Variants in GRAP2 observed in about 807,000 individuals in gnomAD.
GRAP2 encodes GRB2 related adaptor protein 2.
A neutral mutation model predicts 43.5 loss-of-function variants in GRAP2; 31 were observed. That is an observed-to-expected ratio of 0.71 (90% CI 0.54 to 0.96). GRAP2 has a LOEUF of 0.96. GRAP2 is among the 40% of genes least tolerant of loss of function. GRAP2 has a pLI of 0.00. For synonymous variants in GRAP2, 156 were observed against 164.8 expected, an observed-to-expected ratio of 0.95 and a Z score of 0.41; for missense variants, 371 against 424.4, an observed-to-expected ratio of 0.87 and a Z score of 1.11.
intron 1 of GRAP2, chr22:39,926,828 G>T: frequency 1.0e-6 from 1 of 983,752 alleles, no homozygotes; most frequent in South Asian, 4.7e-5. Flanking sequence ...CCAATTAGGG[G>T]AGTATTGTCT....
chr22:39,932,200 A>G (rs1304179895), intron 1 of GRAP2, among the ~76,000 whole-genome samples: 1 of 152,224 alleles, frequency 6.6e-6, no homozygotes, highest in Non-Finnish European at 1.5e-5. Context: ...ACAATGCTTC[A>G]GTCCACCACT....
chr22:39,947,963 A>G (rs995667553), intron 2 of GRAP2: 4 of 152,170 alleles, frequency 2.6e-5, no homozygotes, highest in Non-Finnish European at 5.9e-5. Context: ...GCACCCTCAG[A>G]TAGCCTGATC....
chr22:39,927,611 C>A (rs1227117501), intron 1 of GRAP2, among the ~76,000 whole-genome samples: 1 of 152,196 alleles, frequency 6.6e-6, no homozygotes, highest in East Asian at 1.9e-4. Flanking sequence ...CAAAACTGAT[C>A]TCATGGCTGG....
chr22:39,907,667 A>C (rs1184457921), intron 1 of GRAP2, among the ~76,000 whole-genome samples: 1 of 152,082 alleles, frequency 6.6e-6, no homozygotes, highest in Non-Finnish European at 1.5e-5. Flanking sequence ...CCTTGAGCCC[A>C]AGAGATCAAG....
chr22:39,946,906 A>T (rs1251610912), intron 1 of GRAP2, 187 bp from the exon 2 acceptor site: 1 of 560,940 alleles, frequency 1.8e-6, no homozygotes, highest in Non-Finnish European at 3.2e-6. Context: ...CAGGACCTAG[A>T]TCCTATAGAT....
At chr22:39,951,914 G>T (rs145612576) in intron 2 of GRAP2, among the ~76,000 whole-genome samples, 34 of 152,228 alleles carry the variant, frequency 2.2e-4, no homozygotes, top group African/African-American at 7.5e-4. Context: ...GAGAGAAATG[G>T]CTGGCATTGT....
chr22:39,930,112 A>C (rs1479441964), intron 1 of GRAP2, among the ~76,000 whole-genome samples: 1 of 152,254 alleles, frequency 6.6e-6, no homozygotes, highest in African/African-American at 2.4e-5. Context: ...TATTGGGTTA[A>C]ATAAGTTATT....
intron 1 of GRAP2, among the ~76,000 whole-genome samples, chr22:39,934,574 A>AAAAACCTTT (rs2066787699): frequency 6.6e-6 from 1 of 152,254 alleles, no homozygotes; most frequent in Admixed American, 6.5e-5. Context: ...GAACAAAAAC[A>AAAAACCTTT]CAGTGAAAGT....
chr22:39,920,991 A>ACACACAC, intron 1 of GRAP2, among the ~76,000 whole-genome samples: 1 of 133,086 alleles, frequency 7.5e-6, no homozygotes, highest in Non-Finnish European at 1.7e-5. Flanking sequence ...CACACACACA[A>ACACACAC]TCTGATGTAA....
rs371690083 is a variant in GRAP2 at position 39,968,321 on chromosome 22, G to A, written c.690+49G>A. 9.5e-6 allele frequency: 15 copies of A among 1,586,186 alleles called. No individual in the cohort carries two copies. The African/African-American group carries it at 1.6e-4, about 17-fold the overall frequency. On this transcript the variant is annotated intron_variant, in intron 6 of 7. Coordinates refer to ENST00000344138, the MANE Select transcript of GRAP2 (RefSeq NM_004810.4). ...CACAGTACGGTGGAAAGGAGAACCTGCCTCCCCTCCAGGCCTGGCCCAGCC... is the reference window on the plus strand; with the variant it reads ...CACAGTACGGTGGAAAGGAGAACCTACCTCCCCTCCAGGCCTGGCCCAGCC...
In GRAP2 at chr22:39,961,828, G is replaced by T. The variant is rs542140661; in HGVS notation, c.290+1654G>T. Among the ~76,000 whole-genome samples, 3 of 152,318 alleles carry T rather than the reference G, an allele frequency of 2.0e-5. No individual in the cohort carries two copies. In the South Asian group the frequency reaches 6.2e-4, roughly 32 times the overall value. ...TGAAAGGCATAAAGCTTTGTTTTAA[G>T]GACAGAAATCCAATCTCAAGTAATA... On this transcript the variant is annotated intron_variant, in intron 4 of 7. Transcript: ENST00000344138.
chr22:39,924,742 A>G (rs1480732989), intron 1 of GRAP2, among the ~76,000 whole-genome samples: 2 of 152,166 alleles, frequency 1.3e-5, no homozygotes, highest in African/African-American at 4.8e-5. Flanking sequence ...CCCATTCATC[A>G]GCAAATATTT....
intron 2 of GRAP2, among the ~76,000 whole-genome samples, chr22:39,953,058 A>C (rs905381432): frequency 3.9e-5 from 6 of 152,126 alleles, no homozygotes; most frequent in Non-Finnish European, 8.8e-5. Context: ...GAAATAGGTC[A>C]TCATCTCCAC....
Position 39,920,214 on chromosome 22 carries a change from G to A in GRAP2, c.-15+18884G>A, listed in dbSNP as rs550724620. Among the ~76,000 whole-genome samples the A allele has an allele frequency of 3.7e-4, 56 of 152,244 alleles. No individual in the cohort carries two copies. The South Asian group carries it at 9.1e-3, about 25-fold the overall frequency. ...AGGGTCCATCTGCCTCCGCTCCTTT[G>A]GTACACGCTAGGGGACACACACTGT... is the stretch of plus-strand genomic sequence containing the variant. On this transcript the variant is annotated intron_variant, in intron 1 of 7. Coordinates refer to ENST00000344138, the MANE Select transcript of GRAP2 (RefSeq NM_004810.4).
intron 6 of GRAP2, among the ~76,000 whole-genome samples, chr22:39,968,871 C>A (rs2067207013): frequency 1.3e-5 from 2 of 152,222 alleles, no homozygotes; most frequent in South Asian, 4.1e-4. Context: ...ACCCCCCACG[C>A]TGCCTTAGTT....
intron 2 of GRAP2, among the ~76,000 whole-genome samples, chr22:39,952,019 GT>G (rs397946166): frequency 0.019 from 2,616 of 138,230 alleles, 33 homozygotes; most frequent in African/African-American, 0.048. Context: ...AAAGTGTGTG[GT>G]TTTTTTTTTT....
intron 1 of GRAP2, among the ~76,000 whole-genome samples, chr22:39,922,805 C>T (rs973355725): frequency 8.5e-5 from 13 of 152,066 alleles, no homozygotes; most frequent in African/African-American, 2.9e-4. Flanking sequence ...CACTTTGGGA[C>T]GCCGAGGCAG....
chr22:39,944,951 G>A lies in GRAP2; in HGVS notation c.-14-2142G>A, dbSNP rs182586187. Among the ~76,000 whole-genome samples, 23 of 152,252 alleles carry A rather than the reference G, an allele frequency of 1.5e-4. No homozygotes were observed. In the East Asian group the frequency reaches 1.9e-3, roughly 13 times the overall value. Reference sequence around the variant, plus strand: ...CCATTCACCTGACACTTGATCCCACGAGGCGACCACTGTCTACTGTTGATA... The same window carrying A: ...CCATTCACCTGACACTTGATCCCACAAGGCGACCACTGTCTACTGTTGATA... On this transcript the variant is annotated intron_variant, in intron 1 of 7. Transcript: ENST00000344138.
chr22:39,961,282 CAG>C (rs569748815), intron 4 of GRAP2, among the ~76,000 whole-genome samples: 86 of 152,150 alleles, frequency 5.7e-4, no homozygotes, highest in Non-Finnish European at 9.0e-4. Context: ...ATGACTCACT[CAG>C]GGGGAGAAAG....
Sources: allele counts gnomAD v4.1 joint callset (sites outside exome capture counted in the v4.1 genomes callset), GRCh38; gene constraint gnomAD v4.1.1; transcripts MANE v1.5; gene names NCBI Gene and HGNC (gene_info 2026-07-23, HGNC 2026-07-21).